The following SOS1 variants were observed in gnomAD, a reference collection of about 807,000 sequenced individuals.
The protein encoded by SOS1 is SOS Ras/Rac guanine nucleotide exchange factor 1.
SOS1 carries 25 observed loss-of-function variants against 157.6 expected under a neutral mutation model. The observed-to-expected ratio is 0.16, with a 90% CI of 0.12 to 0.22. The LOEUF (loss-of-function observed/expected upper bound fraction) is 0.22. Among genes scored for constraint, SOS1 ranks in the 10% least tolerant of loss-of-function variants. SOS1 has a pLI of 1.00. For synonymous variants in SOS1, 528 were observed against 534.0 expected, an observed-to-expected ratio of 0.99 and a Z score of 0.16; for missense variants, 1,237 against 1,599.1, an observed-to-expected ratio of 0.77 and a Z score of 3.86.
chr2:39,038,312 G>A (rs918312634), intron 6 of SOS1, among the ~76,000 whole-genome samples: 1 of 152,194 alleles, frequency 6.6e-6, no homozygotes, highest in African/African-American at 2.4e-5. Context: ...GTTGGAGGAA[G>A]TAACTGCAGA....
At chr2:39,101,869 C>A (rs1360330038) in intron 1 of SOS1, among the ~76,000 whole-genome samples, 1 of 152,008 alleles carries the variant, frequency 6.6e-6, no homozygotes, top group East Asian at 1.9e-4. Context: ...TTTTTATGAC[C>A]TGCCTATGTA....
chr2:39,119,891 T>C lies in SOS1; in HGVS notation c.87+445A>G, dbSNP rs189212062. On this transcript the variant is annotated intron_variant, in intron 1 of 22. Transcript: ENST00000402219. ...GCCACGTTCCTACTGGCAGGCGAGC[T>C]CGCAATTCCTTTGAGCAAGCCTTAC... Among the ~76,000 whole-genome samples the C allele has an allele frequency of 2.2e-3, 339 of 152,216 alleles. 2 individuals carry two copies. The highest frequency in any genetic ancestry group is 7.6e-3 in the African/African-American group (315 of 41,554).
chr2:39,098,380 G>A, intron 1 of SOS1: 1 of 240,404 alleles, frequency 4.2e-6, no homozygotes, highest in Non-Finnish European at 8.0e-6. Context: ...ACAGTTTCAG[G>A]CACATTCCTT....
At chr2:39,060,862 AT>A (rs1365774844) in intron 2 of SOS1, among the ~76,000 whole-genome samples, 61 of 152,366 alleles carry the variant, frequency 4.0e-4, no homozygotes, top group African/African-American at 1.4e-3. Flanking sequence ...AAATAAAAAA[AT>A]AAAAGCAGTA....
chr2:39,022,841 C>T lies in SOS1; in HGVS notation c.1587G>A (p.Lys529=). 6.2e-7 allele frequency: 1 copy of T among 1,613,462 alleles called. No homozygotes were observed. Among genetic ancestry groups the T allele is most frequent in the Non-Finnish European group, 8.5e-7 (1 of 1,179,650 alleles). ...KDENSVIFSA[K]SAEEKNNWMA... ...TCCAATTGTTTTTCTCTTCAGCTGA[C>T]TTGGCAGAAAATATAACACTATTTT... Residue 529 remains lysine, a synonymous_variant, in exon 10 of 23, where the codon AAG becomes AAA. Transcript: ENST00000402219.
Position 39,021,062 on chromosome 2 carries a change from A to G in SOS1, c.1858+1508T>C, listed in dbSNP as rs144540154. Among the ~76,000 whole-genome samples the G allele has an allele frequency of 1.5e-3, 235 of 151,832 alleles. 2 individuals are homozygous for G. Among genetic ancestry groups the G allele is most frequent in the African/African-American group, 5.5e-3 (230 of 41,534 alleles). Reference sequence around the variant, plus strand: ...ATAAATCTTGAAATTTAAGTGTTTTATATTCATTATAAGTAAAAGCACTCA... The same window carrying G: ...ATAAATCTTGAAATTTAAGTGTTTTGTATTCATTATAAGTAAAAGCACTCA... On this transcript the variant is annotated intron_variant, in intron 10 of 22. Coordinates refer to ENST00000402219, the MANE Select transcript of SOS1 (RefSeq NM_005633.4).
chr2:39,009,420 G>A (rs1669389456), intron 15 of SOS1, among the ~76,000 whole-genome samples: 1 of 152,178 alleles, frequency 6.6e-6, no homozygotes, highest in Non-Finnish European at 1.5e-5. Flanking sequence ...ATCCCAGATG[G>A]TAATTCGAAT....
intron 15 of SOS1, among the ~76,000 whole-genome samples, chr2:39,009,793 C>T (rs1669400964): frequency 6.6e-6 from 1 of 152,034 alleles, no homozygotes. Flanking sequence ...TCATATGTCA[C>T]TGGTATTAAG....
At chr2:39,040,975 C>T (rs1670549816) in intron 6 of SOS1, among the ~76,000 whole-genome samples, 1 of 152,224 alleles carries the variant, frequency 6.6e-6, no homozygotes, top group Admixed American at 6.5e-5. Flanking sequence ...ACGAGGGTCT[C>T]AAATTCTCCA....
At chr2:39,031,681 G>C (rs1158419349) in intron 8 of SOS1, among the ~76,000 whole-genome samples, 1 of 152,012 alleles carries the variant, frequency 6.6e-6, no homozygotes, top group Non-Finnish European at 1.5e-5. Flanking sequence ...CCAAGATCTT[G>C]CCACTGCACT....
At chr2:39,030,029 A>G (rs1330645548) in intron 8 of SOS1, among the ~76,000 whole-genome samples, 2 of 151,776 alleles carry the variant, frequency 1.3e-5, no homozygotes, top group African/African-American at 4.8e-5. Context: ...AAAATTAGCC[A>G]GGCGTGGTGG....
intron 1 of SOS1, among the ~76,000 whole-genome samples, chr2:39,102,939 G>A (rs1383605824): frequency 6.6e-6 from 1 of 151,790 alleles, no homozygotes; most frequent in South Asian, 2.1e-4. Flanking sequence ...TGGGTGACAG[G>A]GCGAGACCCT....
chr2:39,049,631 T>G (rs1670926778), intron 6 of SOS1, among the ~76,000 whole-genome samples: 1 of 152,192 alleles, frequency 6.6e-6, no homozygotes, highest in South Asian at 2.1e-4. Flanking sequence ...TTTTTGGAAT[T>G]CTGTATTATA....
intron 1 of SOS1, among the ~76,000 whole-genome samples, chr2:39,101,116 C>G (rs543662893): frequency 6.6e-6 from 1 of 152,226 alleles, no homozygotes; most frequent in Admixed American, 6.5e-5. Flanking sequence ...CTGGTAAGGA[C>G]CTCAGGAGGT....
At chr2:39,104,882 A>G (rs2148212418) in intron 1 of SOS1, among the ~76,000 whole-genome samples, 1 of 152,350 alleles carries the variant, frequency 6.6e-6, no homozygotes, top group South Asian at 2.1e-4. Flanking sequence ...AGAGACAGAA[A>G]GTAGATTAGA....
At chr2:39,002,012 C>G (rs1244789353) in intron 17 of SOS1, among the ~76,000 whole-genome samples, 1 of 152,172 alleles carries the variant, frequency 6.6e-6, no homozygotes, top group Non-Finnish European at 1.5e-5. Flanking sequence ...GAAACTTCCT[C>G]CTTTCACTTA....
chr2:39,019,866 T>C (rs1005349955), intron 10 of SOS1, among the ~76,000 whole-genome samples: 1 of 151,634 alleles, frequency 6.6e-6, no homozygotes, highest in African/African-American at 2.4e-5. Flanking sequence ...AATATCTTCA[T>C]AGTACGCACG....
At chr2:39,120,125 C>A (rs1222524456) in intron 1 of SOS1, among the ~76,000 whole-genome samples, 2 of 152,212 alleles carry the variant, frequency 1.3e-5, no homozygotes, top group Non-Finnish European at 2.9e-5. Flanking sequence ...TAAACTCCCC[C>A]CGGCTCCCTG....
intron 6 of SOS1, among the ~76,000 whole-genome samples, chr2:39,045,265 A>T (rs1331635154): frequency 4.8e-5 from 6 of 125,836 alleles, no homozygotes; most frequent in African/African-American, 1.4e-4. Context: ...AGAGAGAGAG[A>T]GAGAGAGAGT....
Sources: gnomAD v4.1 joint callset for allele counts (sites outside exome capture counted in the v4.1 genomes callset) on GRCh38, gnomAD v4.1.1 for gene constraint, MANE v1.5 for transcripts, NCBI Gene and HGNC (gene_info 2026-07-23, HGNC 2026-07-21) for gene names.